The following ASB2 variants were observed in gnomAD, a reference collection of about 807,000 sequenced individuals.
The protein encoded by ASB2 is ankyrin repeat and SOCS box protein 2.
Under a neutral mutation model 62.4 loss-of-function variants are expected in ASB2, and 58 were observed. The observed-to-expected ratio is 0.93, with a 90% CI of 0.75 to 1.16. The LOEUF (loss-of-function observed/expected upper bound fraction) is 1.16, where lower values mean the gene tolerates loss of function less well. Among genes scored for constraint, ASB2 ranks in the 50% most tolerant of loss-of-function variants. The pLI is 0.00. For synonymous variants in ASB2, 386 were observed against 385.3 expected, an observed-to-expected ratio of 1.00 and a Z score of -0.02; for missense variants, 928 against 887.9, an observed-to-expected ratio of 1.05 and a Z score of -0.57.
At chr14:93,975,464 T>C (rs922963296) in intron 1 of ASB2, among the ~76,000 whole-genome samples, 1 of 152,206 alleles carries the variant, frequency 6.6e-6, no homozygotes, top group Non-Finnish European at 1.5e-5. Flanking sequence ...CCTCCACCTC[T>C]GGGGCCTGAG....
chr14:93,940,009 CAG>C (rs2141273831), intron 7 of ASB2: 1 of 307,950 alleles, frequency 3.2e-6, no homozygotes, highest in African/African-American at 2.2e-5. Context: ...AAACCTCAGC[CAG>C]ACTGCACTAG....
At chr14:93,961,259 C>T (rs1889400781) in intron 2 of ASB2, among the ~76,000 whole-genome samples, 1 of 152,182 alleles carries the variant, frequency 6.6e-6, no homozygotes, top group African/African-American at 2.4e-5. Context: ...AAGATGAGGC[C>T]ACTGGGGCTC....
intron 7 of ASB2, 73 bp from the exon 8 acceptor site, chr14:93,939,745 A>G: frequency 8.2e-7 from 1 of 1,220,696 alleles, no homozygotes; most frequent in Non-Finnish European, 1.1e-6. Context: ...CCCCGCCAGC[A>G]GGAGAGCTCG....
At chr14:93,937,157 G>A (rs1440655594) in intron 9 of ASB2, among the ~76,000 whole-genome samples, 1 of 152,172 alleles carries the variant, frequency 6.6e-6, no homozygotes, top group Non-Finnish European at 1.5e-5. Flanking sequence ...AGGGTTCAGG[G>A]GCCTGTCTCC....
chr14:93,947,354 G>A lies in ASB2; in HGVS notation c.1047C>T (p.Asn349=). The change falls in exon 7 of 10, where the codon AAC becomes AAT. Residue 349 remains asparagine, a synonymous_variant. Coordinates refer to ENST00000555019, the MANE Select transcript of ASB2 (RefSeq NM_001202429.2). The part of the protein sequence containing the change: ...LPLHIASKKG[N]YRIVQMLLPV... ...CTGGCGGAGCCTGGGCTGACCTGTAGTTGCCCTTCTTGGAGGCGATGTGCA... is the reference window on the plus strand; with the variant it reads ...CTGGCGGAGCCTGGGCTGACCTGTAATTGCCCTTCTTGGAGGCGATGTGCA... 2 of 1,614,104 alleles carry A rather than the reference G, an allele frequency of 1.2e-6. No homozygotes were observed. The highest frequency in any genetic ancestry group is 1.7e-6 in the Non-Finnish European group (2 of 1,180,040).
chr14:93,960,984 T>TAAAC lies in ASB2; in HGVS notation c.206+3346_206+3349dup, dbSNP rs1265837333. On this transcript the variant is annotated intron_variant, in intron 2 of 9. Coordinates refer to ENST00000555019, the MANE Select transcript of ASB2 (RefSeq NM_001202429.2). ...ATAAATAAATAAATAAATAAATAAA[T>TAAAC]AAACAGTATCAGCTCAGCTCTCTGT... 1.3e-4 allele frequency among the ~76,000 whole-genome samples: 20 copies of TAAAC among 150,866 alleles called. No homozygotes were observed. In the South Asian group the frequency reaches 2.5e-3, roughly 19 times the overall value.
Position 93,937,783 on chromosome 14 carries a change from G to A in ASB2, c.1686C>T (p.Asp562=). The A allele has an allele frequency of 1.2e-6, 2 of 1,612,638 alleles. No homozygotes were observed. Among genetic ancestry groups the A allele is most frequent in the Non-Finnish European group, 1.7e-6 (2 of 1,178,722 alleles). The change falls in exon 9 of 10, where the codon GAC becomes GAT. Residue 562 remains aspartate, a synonymous_variant. Transcript: ENST00000555019. The part of the protein sequence containing the change: ...WAGPIIDVLL[D]YVGNVQLCSR... ...AGCAGAGCTGCACGTTGCCCACGTA[G>A]TCCAGGAGGACATCGATGATGGGCC... is the stretch of plus-strand genomic sequence containing the variant.
chr14:93,944,960 CG>C (rs1555428219), intron 7 of ASB2, among the ~76,000 whole-genome samples: 1 of 152,210 alleles, frequency 6.6e-6, no homozygotes, highest in Non-Finnish European at 1.5e-5. Context: ...CCAGCCCTGC[CG>C]CTATCTCAAA....
Position 93,939,590 on chromosome 14 carries a change from G to C in ASB2, c.1135C>G (p.Arg379Gly). 8 of 1,573,634 alleles carry C rather than the reference G, an allele frequency of 5.1e-6. No individual in the cohort carries two copies. The highest frequency in any genetic ancestry group is 6.0e-6 in the Non-Finnish European group (7 of 1,165,344). Residue 379 changes from arginine (R) to glycine (G), a missense_variant, in exon 8 of 10, where the codon CGC becomes GGC. Arg to Gly is a moderately radical substitution (Grantham distance 125). Transcript: ENST00000555019. ...GVSPLHLAAE[R>G]NHDEVLEALL... ...GCCTCCAGCACCTCGTCGTGGTTGC[G>C]CTCGGCCGCCAGGTGCAGCGGACTG...
At chr14:93,943,776 T>C (rs890600238) in intron 7 of ASB2, 2 of 357,084 alleles carry the variant, frequency 5.6e-6, no homozygotes, top group East Asian at 1.5e-4. Context: ...TCTTGAGCTC[T>C]GAGCCTCAGT....
At chr14:93,943,298 C>T (rs1157476142) in intron 7 of ASB2, among the ~76,000 whole-genome samples, 1 of 152,238 alleles carries the variant, frequency 6.6e-6, no homozygotes, top group Non-Finnish European at 1.5e-5. Flanking sequence ...AACACAGAGG[C>T]ATTCTGGATC....
chr14:93,934,884 G>T, intron 9 of ASB2, 92 bp from the exon 10 acceptor site: 1 of 1,056,284 alleles, frequency 9.5e-7, no homozygotes. Context: ...GAGGTGCCCA[G>T]CTGATGTGGC....
chr14:93,947,963 C>T (rs1272747403), intron 6 of ASB2, among the ~76,000 whole-genome samples: 3 of 129,666 alleles, frequency 2.3e-5, no homozygotes, highest in Non-Finnish European at 4.7e-5. Flanking sequence ...CATTGCACTC[C>T]AGCCTGGGCA....
chr14:93,959,757 C>G (rs77832834), intron 2 of ASB2, among the ~76,000 whole-genome samples: 2,160 of 151,916 alleles, frequency 0.014, 52 homozygotes, highest in African/African-American at 0.049. Flanking sequence ...AATGGGCTGG[C>G]AGGACAGTGC....
intron 7 of ASB2, chr14:93,940,564 G>A (rs1888478438): frequency 1.3e-5 from 2 of 152,214 alleles, no homozygotes; most frequent in Admixed American, 6.5e-5. Context: ...AGCCCATTGT[G>A]ACCATGAGGT....
intron 7 of ASB2, chr14:93,944,262 A>G (rs986388154): frequency 9.5e-6 from 2 of 209,858 alleles, no homozygotes; most frequent in South Asian, 6.5e-5. Context: ...TAATACGTCT[A>G]TCTTTGGTGT....
chr14:93,947,374 T>C lies in ASB2; in HGVS notation c.1027A>G (p.Ile343Val), dbSNP rs548080899. The C allele has an allele frequency of 7.4e-6, 12 of 1,614,168 alleles. No homozygotes were observed. Among genetic ancestry groups the C allele is most frequent in the African/African-American group, 1.3e-5 (1 of 75,048 alleles). The change falls in exon 7 of 10, where the codon ATC becomes GTC. Residue 343 changes from isoleucine (I) to valine (V), a missense_variant. By Grantham distance (29) the Ile-to-Val change is conservative. Coordinates refer to ENST00000555019, the MANE Select transcript of ASB2 (RefSeq NM_001202429.2). ...CTGTAGTTGCCCTTCTTGGAGGCGA[T>C]GTGCAGCGGGAGCAAGCCGTCCTTG... Reference protein sequence around the residue: ...TNKDGLLPLHIASKKGNYRIV... With the variant: ...TNKDGLLPLHVASKKGNYRIV...
chr14:93,947,306 G>A (rs755289152), intron 7 of ASB2, 43 bp downstream of exon 7: 5 of 1,605,380 alleles, frequency 3.1e-6, no homozygotes, highest in Non-Finnish European at 4.3e-6. Context: ...CCCAGTGTGG[G>A]CCTCGGGAGA....
intron 1 of ASB2, among the ~76,000 whole-genome samples, chr14:93,972,706 G>C (rs1332557630): frequency 6.6e-6 from 1 of 152,180 alleles, no homozygotes; most frequent in Admixed American, 6.5e-5. Context: ...GAAATGCTCT[G>C]ACCTTGGTAA....
Sources: allele counts gnomAD v4.1 joint callset (sites outside exome capture counted in the v4.1 genomes callset), GRCh38; gene constraint gnomAD v4.1.1; transcripts MANE v1.5; gene names NCBI Gene and HGNC (gene_info 2026-07-23, HGNC 2026-07-21).